The following ACAN variants were observed in gnomAD, a reference collection of about 807,000 sequenced individuals.
ACAN encodes the protein aggrecan.
In ACAN, 47 loss-of-function variants were observed where a neutral mutation model predicts 169.1. That is an observed-to-expected ratio of 0.28 (90% CI 0.22 to 0.35). The LOEUF is 0.35. Among genes scored for constraint, ACAN ranks in the 10% least tolerant of loss-of-function variants. The pLI, the probability that ACAN is intolerant of heterozygous loss-of-function variation, is 1.00. For synonymous variants in ACAN, 1,115 were observed against 1,112.2 expected, an observed-to-expected ratio of 1.00 and a Z score of -0.05; for missense variants, 2,716 against 2,759.9, an observed-to-expected ratio of 0.98 and a Z score of 0.36.
At position 88,874,295 on chromosome 15, in the gene ACAN, G is replaced by A. The variant is rs777808500; in HGVS notation, c.7631-110G>A. On this transcript the variant is annotated intron_variant, in intron 18 of 18. Coordinates refer to ENST00000560601, the MANE Select transcript of ACAN (RefSeq NM_001369268.1). This position sits in a 1 kb window ranked among gnomAD's most constrained non-coding sequence, Gnocchi z 7.3. ...CAGGAAAGCCGATAAAGCCTCAGGC[G>A]CCTGAGTCCTGGTTTCCACAAGGGA... 4.9e-5 allele frequency: 58 copies of A among 1,173,766 alleles called. No homozygotes were observed. Among genetic ancestry groups the A allele is most frequent in the Middle Eastern group, 2.7e-4 (1 of 3,720 alleles). 72.7% of individuals were successfully genotyped at this position (1,173,766 alleles called of 1,614,324 possible).
At chr15:88,806,288 G>A (rs1895680590) in intron 1 of ACAN, among the ~76,000 whole-genome samples, 1 of 151,756 alleles carries the variant, frequency 6.6e-6, no homozygotes, top group South Asian at 2.1e-4. Context: ...CCCAAGTTAT[G>A]GATAGCAAAA....
chr15:88,827,477 C>T (rs921153009), intron 1 of ACAN, among the ~76,000 whole-genome samples: 2 of 152,202 alleles, frequency 1.3e-5, no homozygotes, highest in African/African-American at 4.8e-5. Context: ...AGTTGGGTGG[C>T]TACTTTGTGC....
rs779115729 is a variant in ACAN at position 88,858,231 on chromosome 15, C to G, written c.5646C>G (p.Val1882=). 1.2e-6 allele frequency: 2 copies of G among 1,613,806 alleles called. No individual in the cohort carries two copies. The highest frequency in any genetic ancestry group is 1.7e-6 in the Non-Finnish European group (2 of 1,179,878). ...VDVSGQFSGT[V]DSSGFTSQTP... ...TCAGTGGACAGTTTTCTGGAACAGTCGATTCCAGTGGGTTTACATCCCAGA... is the reference window on the plus strand; with the variant it reads ...TCAGTGGACAGTTTTCTGGAACAGTGGATTCCAGTGGGTTTACATCCCAGA... Residue 1882 remains valine (V), a synonymous_variant, in exon 12 of 19, where the codon GTC becomes GTG. Transcript: ENST00000560601. The surrounding 1 kb of genome is among the most constrained non-coding windows in gnomAD (Gnocchi z 4.0).
intron 6 of ACAN, among the ~76,000 whole-genome samples, chr15:88,845,096 C>T (rs1311092536): frequency 6.6e-6 from 1 of 152,206 alleles, no homozygotes; most frequent in East Asian, 1.9e-4. Flanking sequence ...GCACTTTCTG[C>T]AAGATTTTCT....
Position 88,807,895 on chromosome 15 carries a change from G to T in ACAN, c.-8+4086G>T, listed in dbSNP as rs928592330. Among the ~76,000 whole-genome samples the T allele has an allele frequency of 2.0e-5, 3 of 152,036 alleles. No homozygotes were observed. In the South Asian group the frequency reaches 6.2e-4, roughly 31 times the overall value. On this transcript the variant is annotated intron_variant, in intron 1 of 18. Transcript: ENST00000560601. This position sits in a 1 kb window ranked among gnomAD's most constrained non-coding sequence, Gnocchi z 4.0. Reference sequence around the variant, plus strand: ...TAAAGAAGCTTTTTGTTAAACTCATGAATAGGTGGATTTGGGGTGTGTGAT... The same window carrying T: ...TAAAGAAGCTTTTTGTTAAACTCATTAATAGGTGGATTTGGGGTGTGTGAT...
At chr15:88,847,502 C>T (rs1005179753) in intron 8 of ACAN, 85 bp downstream of exon 8, 1 of 1,406,176 alleles carries the variant, frequency 7.1e-7, no homozygotes, top group Non-Finnish European at 9.5e-7. Context: ...CCCCAGCACA[C>T]TGAGCACCCA....
intron 1 of ACAN, among the ~76,000 whole-genome samples, chr15:88,809,745 C>A (rs1194265030): frequency 2.0e-5 from 3 of 152,190 alleles, no homozygotes; most frequent in Non-Finnish European, 4.4e-5. Context: ...AGCAGCTGCA[C>A]CGTGACAGCC....
Position 88,851,954 on chromosome 15 carries a change from C to A in ACAN, c.2187C>A (p.Ile729=). The change falls in exon 11 of 19, where the codon ATC becomes ATA. Residue 729 remains isoleucine (I), a synonymous_variant. Coordinates refer to ENST00000560601, the MANE Select transcript of ACAN (RefSeq NM_001369268.1). This position sits in a 1 kb window ranked among gnomAD's most constrained non-coding sequence, Gnocchi z 4.3. ...TAVPSGETTA[I]LEFTTEPENQ... is the part of the protein sequence containing the mutation. The stretch of plus-strand genomic sequence containing the variant: ...TACCCTCAGGGGAGACTACTGCCAT[C>A]CTAGAGTTCACCACCGAGCCAGAAA... 6.2e-7 allele frequency: 1 copy of A among 1,612,622 alleles called. No individual in the cohort carries two copies. The highest frequency in any genetic ancestry group is 8.5e-7 in the Non-Finnish European group (1 of 1,179,378).
Position 88,837,686 on chromosome 15 carries a change from G to A in ACAN, c.71-977G>A, listed in dbSNP as rs921572464. On this transcript the variant is annotated intron_variant, in intron 2 of 18. Coordinates refer to ENST00000560601, the MANE Select transcript of ACAN (RefSeq NM_001369268.1). ...GGGTGCGAGGGCCCAGCACTCGGAG[G>A]AAGATGCCTGTGGAAGGGGCCAGTG... 2.0e-5 allele frequency among the ~76,000 whole-genome samples: 3 copies of A among 152,200 alleles called. No individual in the cohort carries two copies. In the East Asian group the frequency reaches 5.8e-4, roughly 29 times the overall value.
At chr15:88,860,548 C>G in intron 13 of ACAN, 109 bp downstream of exon 13, 1 of 847,600 alleles carries the variant, frequency 1.2e-6, no homozygotes, top group Non-Finnish European at 1.9e-6. Flanking sequence ...CACTGAGGCT[C>G]AGGCTGGGAA....
rs1897334398 is a variant in ACAN, at chr15:88,869,505, T to C, written c.7060+1176T>C. On this transcript the variant is annotated intron_variant, in intron 14 of 18. Transcript: ENST00000560601. The surrounding 1 kb of genome is among the most constrained non-coding windows in gnomAD (Gnocchi z 4.2). The stretch of plus-strand genomic sequence containing the variant: ...ATCCTCACCCCAAGACCCCAAGAAA[T>C]TGGTATATGGGGTCTTGGCTGGGGT... 6.6e-6 allele frequency among the ~76,000 whole-genome samples: 1 copy of C among 152,064 alleles called. No homozygotes were observed. The highest frequency in any genetic ancestry group is 1.5e-5 in the Non-Finnish European group (1 of 68,008).
rs117772298 is a variant in ACAN, at chr15:88,845,636, G to A, written c.1183G>A (p.Gly395Ser). The A allele has an allele frequency of 3.7e-4, 601 of 1,614,068 alleles. 5 individuals are homozygous for A. The East Asian group carries it at 1.0e-2, about 27-fold the overall frequency. Residue 395 changes from glycine to serine, a missense_variant, in exon 7 of 19, where the codon GGC (glycine) becomes AGC (serine). By Grantham distance (56) the Gly-to-Ser change is moderately conservative. Coordinates refer to ENST00000560601, the MANE Select transcript of ACAN (RefSeq NM_001369268.1). ...PRNITEGEAR[G>S]SVILTVKPIF... ...AAACATCACTGAGGGTGAAGCCCGA[G>A]GCAGCGTGATCCTTACCGTAAAGCC...
chr15:88,854,341 C>T (rs1038652648), intron 11 of ACAN, among the ~76,000 whole-genome samples: 6 of 152,118 alleles, frequency 3.9e-5, no homozygotes, highest in African/African-American at 1.4e-4. Context: ...ATCAGTGGGG[C>T]TGGGGTGAGG....
At position 88,836,235 on chromosome 15, in the gene ACAN, C is replaced by T; in HGVS notation, c.29C>T (p.Thr10Ile). The part of the protein sequence containing the change: MTTLLWVFV[T>I]LRVITAAVTV... ...ACCACTTTACTCTGGGTTTTCGTGA[C>T]TCTGAGGGTCATCACTGCAGCTGTC... The change falls in exon 2 of 19, where the codon ACT becomes ATT. Residue 10 changes from threonine (T) to isoleucine (I), a missense_variant. Thr to Ile is a moderately conservative substitution (Grantham distance 89). Transcript: ENST00000560601. 5.6e-6 allele frequency: 9 copies of T among 1,613,902 alleles called. No individual in the cohort carries two copies. Among genetic ancestry groups the T allele is most frequent in the South Asian group, 1.1e-5 (1 of 91,018 alleles).
At chr15:88,865,314 C>T (rs748810391) in intron 13 of ACAN, among the ~76,000 whole-genome samples, 9 of 152,188 alleles carry the variant, frequency 5.9e-5, no homozygotes, top group Non-Finnish European at 1.3e-4. Flanking sequence ...TCTCTCCCTC[C>T]ACGTGGGGCA....
chr15:88,810,012 A>G (rs567409789), intron 1 of ACAN, among the ~76,000 whole-genome samples: 3 of 152,320 alleles, frequency 2.0e-5, no homozygotes, highest in African/African-American at 7.2e-5. Context: ...CTGAACTTCT[A>G]TTTTACAGAG....
rs71462461 is a variant in ACAN at position 88,807,747 on chromosome 15, A to AGCGTGTGT, written c.-8+3939_-8+3940insCGTGTGTG. The stretch of plus-strand genomic sequence containing the variant: ...CTCAGAGCCTCCTTATAAGTGGTGG[A>AGCGTGTGT]GTGTGTGTGTGTGTGTGTGTGTGTG... On this transcript the variant is annotated intron_variant, in intron 1 of 18. Coordinates refer to ENST00000560601, the MANE Select transcript of ACAN (RefSeq NM_001369268.1). The surrounding 1 kb of genome is among the most constrained non-coding windows in gnomAD (Gnocchi z 4.0). 7.0e-6 allele frequency among the ~76,000 whole-genome samples: 1 copy of AGCGTGTGT among 142,026 alleles called. No homozygotes were observed. The highest frequency in any genetic ancestry group is 2.6e-5 in the African/African-American group (1 of 38,132). The allele number at this position is 142,026 out of a possible 152,430, so 93.2% of individuals were successfully genotyped here.
Position 88,872,755 on chromosome 15 carries a change from A to T in ACAN, c.7303-126A>T, listed in dbSNP as rs1897411365. 3 of 1,219,322 alleles carry T rather than the reference A, an allele frequency of 2.5e-6. No homozygotes were observed. In the East Asian group the frequency reaches 7.7e-5, roughly 31 times the overall value. 75.5% of individuals were successfully genotyped at this position (1,219,322 alleles called of 1,614,324 possible). Reference sequence around the variant, plus strand: ...CCAGCAGTTTTTGTGCTGCTATCAGATGAGCCTGAAGTTGGTGCTAAAAGA... The same window carrying T: ...CCAGCAGTTTTTGTGCTGCTATCAGTTGAGCCTGAAGTTGGTGCTAAAAGA... On this transcript the variant is annotated intron_variant, in intron 16 of 18. Coordinates refer to ENST00000560601, the MANE Select transcript of ACAN (RefSeq NM_001369268.1). The surrounding 1 kb of genome is among the most constrained non-coding windows in gnomAD (Gnocchi z 5.4).
intron 1 of ACAN, among the ~76,000 whole-genome samples, chr15:88,817,204 C>T (rs1019510092): frequency 6.6e-6 from 1 of 152,138 alleles, no homozygotes; most frequent in Non-Finnish European, 1.5e-5. Context: ...TGCAGTGGTG[C>T]GATCTTGGCT....
Sources: gnomAD v4.1 joint callset for allele counts (sites outside exome capture counted in the v4.1 genomes callset) on GRCh38, gnomAD v4.1.1 for gene constraint, Gnocchi (gnomAD v3.1) non-coding constraint, MANE v1.5 for transcripts, NCBI Gene and HGNC (gene_info 2026-07-23, HGNC 2026-07-21) for gene names.